Variants in DEPDC4 observed in about 807,000 individuals in gnomAD.
DEPDC4 encodes DEP domain containing 4.
A neutral mutation model predicts 52.0 loss-of-function variants in DEPDC4; 52 were observed. The ratio of observed to expected loss-of-function variants is 1.00; its 90% CI spans 0.80 to 1.26. DEPDC4 has a LOEUF of 1.26. Ranked by LOEUF, DEPDC4 falls within the 50% of genes most tolerant of loss-of-function variation. The pLI is 0.00. For missense variants in DEPDC4, 530 were observed against 546.9 expected (o/e 0.97, Z 0.31); for synonymous variants, 201 against 196.8 (o/e 1.02, Z -0.18).
intron 3 of DEPDC4, among the ~76,000 whole-genome samples, chr12:100,260,029 T>G (rs187422941): frequency 6.6e-6 from 1 of 152,184 alleles, no homozygotes; most frequent in African/African-American, 2.4e-5. Flanking sequence ...TACAGGCTAC[T>G]GTAAAATCAT....
chr12:100,261,964 G>C (rs551795535), intron 3 of DEPDC4, among the ~76,000 whole-genome samples: 1 of 152,320 alleles, frequency 6.6e-6, no homozygotes, highest in South Asian at 2.1e-4. Flanking sequence ...CAGATAATAT[G>C]TCATCAAAAA....
At chr12:100,251,602 C>G (rs1413258817) in intron 7 of DEPDC4, among the ~76,000 whole-genome samples, 1 of 151,200 alleles carries the variant, frequency 6.6e-6, no homozygotes, top group Non-Finnish European at 1.5e-5. Flanking sequence ...GAATCTTGCT[C>G]TGTTGCCCAG....
intron 9 of DEPDC4, among the ~76,000 whole-genome samples, chr12:100,231,946 G>GA (rs565321441): frequency 0.016 from 2,206 of 139,970 alleles, 22 homozygotes; most frequent in Middle Eastern, 0.034. Flanking sequence ...TCCTGCCTCA[G>GA]AAAAAAAAAA....
chr12:100,263,578 T>C lies in DEPDC4; in HGVS notation c.473A>G (p.Tyr158Cys), dbSNP rs556920491. The C allele has an allele frequency of 2.5e-6, 4 of 1,613,760 alleles. No homozygotes were observed. In the South Asian group the frequency reaches 3.3e-5, roughly 13 times the overall value. ...LEFEDSNISL[Y>C]RFLGNKSSYD... The stretch of plus-strand genomic sequence containing the variant: ...AGATGATTTATTGCCTAGAAACCTG[T>C]AGAGACTAATGTTGGAATCTTCAAA... The change falls in exon 2 of 10, where the codon TAC (tyrosine) becomes TGC (cysteine). Residue 158 changes from tyrosine to cysteine, a missense_variant. Coordinates refer to ENST00000550587, the MANE Select transcript of DEPDC4 (RefSeq NM_001364818.2).
upstream of DEPDC4, among the ~76,000 whole-genome samples, chr12:100,272,028 G>C (rs999595257): frequency 1.3e-5 from 2 of 152,120 alleles, no homozygotes; most frequent in African/African-American, 2.4e-5. Context: ...GTAAAATCTA[G>C]TATTACAACA....
chr12:100,279,023 A>G, the DEPDC4 span, among the ~76,000 whole-genome samples: 84 of 152,204 alleles, frequency 5.5e-4, no homozygotes, highest in African/African-American at 1.7e-3. Flanking sequence ...ATTTTCAGCT[A>G]TTTGGTATAT....
chr12:100,253,744 G>C (rs1249983873), intron 4 of DEPDC4, 29 bp from the exon 5 acceptor site: 1 of 1,178,366 alleles, frequency 8.5e-7, no homozygotes, highest in Non-Finnish European at 1.1e-6. Context: ...CCAAAATAAA[G>C]CAATGGTTAA....
chr12:100,266,784 T>C (rs1312190216), intron 1 of DEPDC4, 136 bp downstream of exon 1: 2 of 1,219,928 alleles, frequency 1.6e-6, no homozygotes, highest in South Asian at 1.6e-5. Flanking sequence ...GTCCAGTGCC[T>C]GGTAGGGCAG....
chr12:100,267,838 G>A (rs2096280805), upstream of DEPDC4: 1 of 152,724 alleles, frequency 6.5e-6, no homozygotes, highest in South Asian at 2.1e-4. Flanking sequence ...CCGGTAGCCT[G>A]GGTCACCAGC....
At chr12:100,232,840 C>T (rs926017880) in intron 9 of DEPDC4, among the ~76,000 whole-genome samples, 5 of 152,064 alleles carry the variant, frequency 3.3e-5, no homozygotes, top group South Asian at 2.1e-4. Context: ...GCCGAGATCG[C>T]GCCATTGCAC....
chr12:100,260,719 T>G (rs866401736), intron 3 of DEPDC4, among the ~76,000 whole-genome samples: 1 of 148,186 alleles, frequency 6.7e-6, no homozygotes, highest in Non-Finnish European at 1.5e-5. Context: ...CTACTAATAA[T>G]ACAAAAAATA....
intron 3 of DEPDC4, among the ~76,000 whole-genome samples, chr12:100,258,450 T>C (rs1212115049): frequency 6.6e-6 from 1 of 152,098 alleles, no homozygotes; most frequent in Non-Finnish European, 1.5e-5. Context: ...TAAAAAAAAC[T>C]TCTAGATTGC....
At position 100,246,712 on chromosome 12, in the gene DEPDC4, G is replaced by T. The variant is rs12809451; in HGVS notation, c.1453+2188C>A. ...AGCACTTTGGAAGGCCAAGGCGGGC[G>T]GATCACTTGAGGTCAGGAGTTCGAG... is the stretch of plus-strand genomic sequence containing the variant. On this transcript the variant is annotated intron_variant, in intron 8 of 9. Transcript: ENST00000550587. Among the ~76,000 whole-genome samples the T allele has an allele frequency of 3.1e-4, 47 of 152,092 alleles. 1 individual carries two copies. The East Asian group carries it at 8.9e-3, about 29-fold the overall frequency.
In DEPDC4 at chr12:100,263,535, TC is replaced by T. The variant is rs1566328066; in HGVS notation, c.515del (p.Arg172AsnfsTer13). The T allele has an allele frequency of 4.4e-6, 7 of 1,603,516 alleles. No individual in the cohort carries two copies. Among genetic ancestry groups the T allele is most frequent in the Non-Finnish European group, 6.0e-6 (7 of 1,175,770 alleles). ...TGAACTCATTCTCAGCATCCTTTTG[TC>T]TTTTGCAACAATCGTAAGATGATTT... Reference protein sequence around the residue: ...GNKSSYDCCKRQKDAENEFNE... With the variant: ...GNKSSYDCCKXQKDAENEFNE... On this transcript the variant is annotated frameshift_variant, in exon 2 of 10. Transcript: ENST00000550587. LOFTEE classifies it high-confidence loss of function.
At chr12:100,251,374 C>T (rs771775529) in intron 7 of DEPDC4, among the ~76,000 whole-genome samples, 9 of 152,056 alleles carry the variant, frequency 5.9e-5, no homozygotes, top group Non-Finnish European at 1.0e-4. Context: ...ATTTCAAAAA[C>T]GTTTCAAAAT....
upstream of DEPDC4, among the ~76,000 whole-genome samples, chr12:100,269,587 A>G (rs189248244): frequency 5.9e-5 from 9 of 152,242 alleles, no homozygotes; most frequent in Middle Eastern, 3.4e-3. Flanking sequence ...ATCACTGTTA[A>G]TCCTTATAAC....
At position 100,252,442 on chromosome 12, in the gene DEPDC4, A is replaced by T; in HGVS notation, c.1200T>A (p.Thr400=). Residue 400 remains threonine, a synonymous_variant, in exon 6 of 10, where the codon ACT becomes ACA. Transcript: ENST00000550587. ...NIREELRRLL[T]FMAMASEPNA... Reference sequence around the variant, plus strand: ...TGGGCTCTGATGCCATTGCCATAAAAGTAAGTAGCCGTCGTAATTCTTCTC... The same window carrying T: ...TGGGCTCTGATGCCATTGCCATAAATGTAAGTAGCCGTCGTAATTCTTCTC... 6.2e-7 allele frequency: 1 copy of T among 1,601,858 alleles called. No individual in the cohort carries two copies. Among genetic ancestry groups the T allele is most frequent in the South Asian group, 1.1e-5 (1 of 90,706 alleles).
At chr12:100,233,529 A>C (rs2096137314) in intron 9 of DEPDC4, among the ~76,000 whole-genome samples, 2 of 152,168 alleles carry the variant, frequency 1.3e-5, no homozygotes, top group Admixed American at 1.3e-4. Context: ...TGTTCTTTGT[A>C]TTAGAGTTAC....
At chr12:100,247,359 C>T (rs1465995932) in intron 8 of DEPDC4, among the ~76,000 whole-genome samples, 2 of 151,912 alleles carry the variant, frequency 1.3e-5, no homozygotes, top group African/African-American at 4.8e-5. Flanking sequence ...GCATGCACCA[C>T]CACACCTGGC....
Sources: gnomAD v4.1 joint callset for allele counts (sites outside exome capture counted in the v4.1 genomes callset) on GRCh38, gnomAD v4.1.1 for gene constraint, MANE v1.5 for transcripts, NCBI Gene and HGNC (gene_info 2026-07-23, HGNC 2026-07-21) for gene names.